TMEM39B: variants seen among roughly 807,000 people sequenced by gnomAD.
TMEM39B encodes the protein transmembrane protein 39B.
Under a neutral mutation model 52.2 loss-of-function variants are expected in TMEM39B, and 23 were observed. The ratio of observed to expected loss-of-function variants is 0.44; its 90% confidence interval spans 0.32 to 0.62. The LOEUF (loss-of-function observed/expected upper bound fraction) is 0.62, where lower values mean the gene tolerates loss of function less well. Among genes scored for constraint, TMEM39B ranks in the 20% least tolerant of loss-of-function variants. The pLI is 0.06. For synonymous variants in TMEM39B, 285 were observed against 264.0 expected, an observed-to-expected ratio of 1.08 and a Z score of -0.77; for missense variants, 547 against 642.0, an observed-to-expected ratio of 0.85 and a Z score of 1.60.
intron 7 of TMEM39B, among the ~76,000 whole-genome samples, chr1:32,097,121 T>C (rs1267325574): frequency 6.6e-6 from 1 of 151,990 alleles, no homozygotes; most frequent in African/African-American, 2.4e-5. Flanking sequence ...TCTTAAAGGG[T>C]ACAATTCTTT....
In TMEM39B at chr1:32,080,371, C is replaced by T. The variant is rs373190755; in HGVS notation, c.590+3053C>T. On this transcript the variant is annotated intron_variant, in intron 5 of 8. Coordinates refer to ENST00000336294, the MANE Select transcript of TMEM39B (RefSeq NM_018056.4). ...TTCGAAAGGGTTGCACTGGTTAGAA[C>T]TTAAGAGTTGCCTGTCGGACGCGGT... 6.7e-4 allele frequency among the ~76,000 whole-genome samples: 102 copies of T among 152,022 alleles called. 2 individuals carry two copies. The South Asian group carries it at 0.021, about 31-fold the overall frequency.
rs1182466333 is a variant in TMEM39B, at chr1:32,079,752, T to C, written c.590+2434T>C. Among the ~76,000 whole-genome samples the C allele has an allele frequency of 4.0e-5, 6 of 151,786 alleles. No individual in the cohort carries two copies. The South Asian group carries it at 1.2e-3, about 32-fold the overall frequency. On this transcript the variant is annotated intron_variant, in intron 5 of 8. Coordinates refer to ENST00000336294, the MANE Select transcript of TMEM39B (RefSeq NM_018056.4). ...TTCTATGTTATAGAATTTTCACAAT[T>C]TATTTGTCTTCTATTGGCAATTTTT...
intron 6 of TMEM39B, among the ~76,000 whole-genome samples, chr1:32,092,283 A>C (rs970583800): frequency 4.6e-5 from 7 of 152,036 alleles, no homozygotes. Context: ...CAGCCTCTTG[A>C]GTAGCTGTGA....
At chr1:32,076,875 A>G (rs1569859730) in intron 4 of TMEM39B, 29 bp downstream of exon 4, 1 of 1,610,466 alleles carries the variant, frequency 6.2e-7, no homozygotes. Context: ...CTGGCCAGGG[A>G]CTTTGGGATT....
chr1:32,079,879 C>T (rs1169351913), intron 5 of TMEM39B, among the ~76,000 whole-genome samples: 2 of 151,906 alleles, frequency 1.3e-5, no homozygotes, highest in African/African-American at 4.8e-5. Flanking sequence ...AAGCAGTTCT[C>T]CTGCCTCAGC....
chr1:32,078,939 C>G (rs1639977588), intron 5 of TMEM39B, among the ~76,000 whole-genome samples: 1 of 151,928 alleles, frequency 6.6e-6, no homozygotes. Context: ...CTGTGCCTGG[C>G]CACATGCAGT....
chr1:32,091,179 C>T (rs554771053), intron 5 of TMEM39B, among the ~76,000 whole-genome samples: 2 of 152,154 alleles, frequency 1.3e-5, no homozygotes, highest in South Asian at 4.2e-4. Flanking sequence ...TGAGTCCCAC[C>T]CCCACCTGCC....
In TMEM39B at chr1:32,091,921, G is replaced by A; in HGVS notation, c.837G>A (p.Lys279=). ...TCCGCAGTGAGGTGGAGTTCCTCAA[G>A]ATGGACTTCAACTGGCGCATGAAGG... ...SLIRSEVEFL[K]MDFNWRMKEV... The change falls in exon 6 of 9, where the codon AAG becomes AAA. Residue 279 remains lysine, a synonymous_variant. Transcript: ENST00000336294. 1 of 1,614,226 alleles carries A rather than the reference G, an allele frequency of 6.2e-7. No individual in the cohort carries two copies. Among genetic ancestry groups the A allele is most frequent in the East Asian group, 2.2e-5 (1 of 44,882 alleles).
intron 8 of TMEM39B, among the ~76,000 whole-genome samples, chr1:32,101,329 C>T (rs1180637307): frequency 6.6e-6 from 1 of 151,956 alleles, no homozygotes; most frequent in Admixed American, 6.6e-5. Flanking sequence ...AACTTGAGAA[C>T]CTAATGGTAA....
At chr1:32,075,527 C>T (rs1639817185) in intron 2 of TMEM39B, 76 bp from the exon 3 acceptor site, 2 of 1,440,544 alleles carry the variant, frequency 1.4e-6, no homozygotes, top group Non-Finnish European at 1.9e-6. Context: ...TCTTATCCCA[C>T]AATCCTTTGC....
intron 1 of TMEM39B, 177 bp downstream of exon 1, chr1:32,073,228 G>C (rs1464754877): frequency 3.9e-6 from 3 of 767,300 alleles, no homozygotes; most frequent in South Asian, 5.4e-5. Context: ...CCTCTGTTGT[G>C]GGGGCGGGAC....
At position 32,100,467 on chromosome 1, in the gene TMEM39B, C is replaced by T. The variant is rs1640977029; in HGVS notation, c.1141C>T (p.Gln381Ter). 1 of 1,606,424 alleles carries T rather than the reference C, an allele frequency of 6.2e-7. No individual in the cohort carries two copies. Among genetic ancestry groups the T allele is most frequent in the Non-Finnish European group, 8.5e-7 (1 of 1,176,128 alleles). Residue 381 changes from glutamine (Q) to a stop codon, truncating the protein, a stop_gained, in exon 8 of 9, where the codon CAG becomes TAG. Coordinates refer to ENST00000336294, the MANE Select transcript of TMEM39B (RefSeq NM_018056.4). LOFTEE classifies it high-confidence loss of function. Reference sequence around the variant, plus strand: ...GTGGACTGAAGAATGCATGTGGCCGCAGGGCGTGCTGGTGAAGCACAGCAA... The same window carrying T: ...GTGGACTGAAGAATGCATGTGGCCGTAGGGCGTGCTGGTGAAGCACAGCAA... The part of the protein sequence containing the change: ...HPWTEECMWP[Q>*]GVLVKHSKNV...
intron 5 of TMEM39B, among the ~76,000 whole-genome samples, chr1:32,081,821 A>G (rs1355260969): frequency 6.6e-6 from 1 of 152,140 alleles, no homozygotes; most frequent in African/African-American, 2.4e-5. Context: ...GAAGGTTTAA[A>G]AGAGTATACC....
At chr1:32,089,329 C>T (rs925501396) in intron 5 of TMEM39B, among the ~76,000 whole-genome samples, 3 of 151,686 alleles carry the variant, frequency 2.0e-5, no homozygotes, top group Admixed American at 1.3e-4. Context: ...ACAAGGGTTT[C>T]GCCATCTTGC....
intron 7 of TMEM39B, among the ~76,000 whole-genome samples, chr1:32,097,085 A>G (rs1040298202): frequency 2.6e-5 from 4 of 151,998 alleles, no homozygotes; most frequent in Non-Finnish European, 5.9e-5. Context: ...GATCACAGGC[A>G]TGAGCCACTG....
At chr1:32,073,244 A>G (rs1238708692) in intron 1 of TMEM39B, 193 bp downstream of exon 1, 2 of 615,052 alleles carry the variant, frequency 3.3e-6, no homozygotes, top group African/African-American at 2.0e-5. Flanking sequence ...GGGACATTGG[A>G]CGGTGGGCGG....
intron 8 of TMEM39B, among the ~76,000 whole-genome samples, chr1:32,101,453 A>G (rs1052659577): frequency 1.6e-4 from 24 of 151,674 alleles, no homozygotes; most frequent in Admixed American, 9.9e-4. Flanking sequence ...AAAAAAAACA[A>G]TCAGAGGCCA....
intron 7 of TMEM39B, among the ~76,000 whole-genome samples, chr1:32,096,462 T>A (rs1640812025): frequency 7.0e-6 from 1 of 142,152 alleles, no homozygotes; most frequent in East Asian, 2.0e-4. Flanking sequence ...TTTTTTTTTT[T>A]TTTTTTTTTT....
chr1:32,094,894 G>A lies in TMEM39B; in HGVS notation c.1038G>A (p.Leu346=), dbSNP rs199628721. ...QHLLPASYCD[L]LHKAAAHLGC... ...TGCTGCCTGCCAGCTACTGTGACCT[G>A]CTGCACAAGGCCGCCGCCCATCTGG... The change falls in exon 7 of 9, where the codon CTG becomes CTA. Residue 346 remains leucine, a synonymous_variant. Coordinates refer to ENST00000336294, the MANE Select transcript of TMEM39B (RefSeq NM_018056.4). 3.7e-6 allele frequency: 6 copies of A among 1,614,048 alleles called. No homozygotes were observed. The Middle Eastern group carries it at 6.6e-4, about 178-fold the overall frequency.
Sources: gnomAD v4.1 joint callset for allele counts (sites outside exome capture counted in the v4.1 genomes callset) on GRCh38, gnomAD v4.1.1 for gene constraint, MANE v1.5 for transcripts, NCBI Gene and HGNC (gene_info 2026-07-23, HGNC 2026-07-21) for gene names.